AKAP3: variants seen among roughly 807,000 people sequenced by gnomAD.
AKAP3 encodes the protein A-kinase anchoring protein 3.
In AKAP3, 27 loss-of-function variants were observed where a neutral mutation model predicts 57.2. The observed-to-expected ratio is 0.47, with a 90% CI of 0.35 to 0.65. AKAP3 has a LOEUF of 0.65. AKAP3 is among the 30% of genes least tolerant of loss of function. The probability of loss-of-function intolerance (pLI) is 0.01; values close to 1 mark genes in which losing one functional copy is unlikely to be tolerated. For synonymous variants in AKAP3, 334 were observed against 392.3 expected (o/e 0.85, Z 1.76); for missense variants, 959 against 1,040.0 (o/e 0.92, Z 1.07).
chr12:4,630,844 C>T (rs1477684963), intron 4 of AKAP3, among the ~76,000 whole-genome samples: 2 of 152,142 alleles, frequency 1.3e-5, no homozygotes, highest in African/African-American at 2.4e-5. Context: ...TCAATATTTC[C>T]AAGCTATATG....
intron 4 of AKAP3, among the ~76,000 whole-genome samples, chr12:4,630,570 T>C (rs1269541600): frequency 6.6e-6 from 1 of 152,218 alleles, no homozygotes; most frequent in Non-Finnish European, 1.5e-5. Flanking sequence ...TGGTTCAAAA[T>C]TCTCCCAAAT....
In AKAP3 at chr12:4,641,948, ATTG is replaced by A. The variant is rs1202024746; in HGVS notation, c.-53_-51del. The A allele has an allele frequency of 2.6e-5, 4 of 152,204 alleles. No homozygotes were observed. In the East Asian group the frequency reaches 7.7e-4, roughly 29 times the overall value. 9.4% of individuals were successfully genotyped at this position (152,204 alleles called of 1,614,324 possible). On this transcript the variant is annotated 5_prime_UTR_variant, in exon 3 of 6. Coordinates refer to ENST00000228850, the MANE Select transcript of AKAP3 (RefSeq NM_001278309.2). ...TATGAGGAAAGCTCTTGATTAATTT[ATTG>A]TTGTCTTCACTATCCCTCAGTTTAC...
At position 4,628,168 on chromosome 12, in the gene AKAP3, A is replaced by C; in HGVS notation, c.734T>G (p.Val245Gly). The change falls in exon 5 of 6, where the codon GTG becomes GGG. Residue 245 changes from valine to glycine, a missense_variant. Transcript: ENST00000228850. ...PSKKSFFYKE[V>G]FESRNGDYAR... ...ATAATCTCCATTACGAGATTCAAACACTTCCTTATAGAAGAAAGACTTCTT... is the reference window on the plus strand; with the variant it reads ...ATAATCTCCATTACGAGATTCAAACCCTTCCTTATAGAAGAAAGACTTCTT... 6.2e-7 allele frequency: 1 copy of C among 1,614,108 alleles called. No homozygotes were observed.
Position 4,627,333 on chromosome 12 carries a change from C to A in AKAP3, c.1569G>T (p.Trp523Cys). 6.2e-7 allele frequency: 1 copy of A among 1,613,944 alleles called. No individual in the cohort carries two copies. Among genetic ancestry groups the A allele is most frequent in the African/African-American group, 1.3e-5 (1 of 74,974 alleles). The stretch of plus-strand genomic sequence containing the variant: ...GGGCAGACACGATCAGGTCCTCGGC[C>A]CAGGAGTCTGAATCATACATAAAAT... ...PENFMYDSDS[W>C]AEDLIVSALL... is the part of the protein sequence containing the mutation. The change falls in exon 5 of 6, where the codon TGG (tryptophan) becomes TGT (cysteine). Residue 523 changes from tryptophan to cysteine, a missense_variant. Trp to Cys is a radical substitution (Grantham distance 215). Coordinates refer to ENST00000228850, the MANE Select transcript of AKAP3 (RefSeq NM_001278309.2).
At chr12:4,617,240 C>T (rs1945295975) in intron 5 of AKAP3, among the ~76,000 whole-genome samples, 1 of 152,142 alleles carries the variant, frequency 6.6e-6, no homozygotes, top group Non-Finnish European at 1.5e-5. Flanking sequence ...GAAATTATAA[C>T]TCAAGAATGA....
At position 4,627,787 on chromosome 12, in the gene AKAP3, T is replaced by C. The variant is rs777532588; in HGVS notation, c.1115A>G (p.Asp372Gly). Reference sequence around the variant, plus strand: ...CTTCCTTAGCATGGCATCCATGATATCTGTGGCCTTTTGGCTTCCATGAGA... The same window carrying C: ...CTTCCTTAGCATGGCATCCATGATACCTGTGGCCTTTTGGCTTCCATGAGA... ...VFSHGSQKAT[D>G]IMDAMLRKLY... The change falls in exon 5 of 6, where the codon GAT becomes GGT. Residue 372 changes from aspartate (D) to glycine (G), a missense_variant. Transcript: ENST00000228850. 12 of 1,614,182 alleles carry C rather than the reference T, an allele frequency of 7.4e-6. No homozygotes were observed. The East Asian group carries it at 2.5e-4, about 33-fold the overall frequency.
chr12:4,647,479 C>T lies in AKAP3; in HGVS notation c.-245+1266G>A, dbSNP rs145306228. On this transcript the variant is annotated intron_variant, in intron 1 of 5. Transcript: ENST00000228850. ...CTTGAGCCCAGGAATTTGAGACAAG[C>T]CTGGGCAATACAGTAAGACCCCATC... 3.4e-3 allele frequency among the ~76,000 whole-genome samples: 508 copies of T among 151,530 alleles called. 2 individuals are homozygous for T. The highest frequency in any genetic ancestry group is 0.012 in the African/African-American group (478 of 41,288).
chr12:4,638,226 G>T, intron 3 of AKAP3, 30 bp from the exon 4 acceptor site: 1 of 1,470,878 alleles, frequency 6.8e-7, no homozygotes, highest in Non-Finnish European at 9.4e-7. Flanking sequence ...ATGAGAAAGG[G>T]TCATCACAAG....
rs35530750 is a variant in AKAP3, at chr12:4,628,344, A to G, written c.558T>C (p.Cys186=). 1.6e-3 allele frequency: 2,530 copies of G among 1,614,158 alleles called. 31 individuals carry two copies. The African/African-American group carries it at 0.029, about 18-fold the overall frequency. The change falls in exon 5 of 6, where the codon TGT becomes TGC. Residue 186 remains cysteine (C), a synonymous_variant. Transcript: ENST00000228850. The stretch of plus-strand genomic sequence containing the variant: ...CCTTGTCTGGGGCAGCATTCCTGGA[A>G]CATGCAGAGACGGTCTCATTCACAA... ...SELVNETVSA[C]SRNAAPDKAP...
At chr12:4,643,432 T>C (rs1945660169) in intron 2 of AKAP3, among the ~76,000 whole-genome samples, 1 of 152,006 alleles carries the variant, frequency 6.6e-6, no homozygotes, top group Non-Finnish European at 1.5e-5. Context: ...TGGTAAATAA[T>C]ATCCTGGAGT....
intron 2 of AKAP3, among the ~76,000 whole-genome samples, chr12:4,643,408 A>G (rs975953102): frequency 2.0e-5 from 3 of 152,182 alleles, no homozygotes; most frequent in South Asian, 2.1e-4. Flanking sequence ...ATAAATTGCT[A>G]TAAGTTTAAA....
chr12:4,640,201 A>T (rs552043899), intron 3 of AKAP3, among the ~76,000 whole-genome samples: 2 of 152,224 alleles, frequency 1.3e-5, no homozygotes, highest in African/African-American at 4.8e-5. Context: ...AACAAAAAAA[A>T]CTCTGCTCAG....
At chr12:4,630,188 T>C (rs1410160113) in intron 4 of AKAP3, among the ~76,000 whole-genome samples, 1 of 152,198 alleles carries the variant, frequency 6.6e-6, no homozygotes, top group African/African-American at 2.4e-5. Flanking sequence ...TGTCATATAG[T>C]TACTAGTTAC....
chr12:4,620,647 A>G (rs1416264338), intron 5 of AKAP3, among the ~76,000 whole-genome samples: 1 of 152,176 alleles, frequency 6.6e-6, no homozygotes, highest in Non-Finnish European at 1.5e-5. Flanking sequence ...TGGTGGTTCC[A>G]TATGCTTATA....
At chr12:4,617,622 C>T (rs1019523860) in intron 5 of AKAP3, among the ~76,000 whole-genome samples, 15 of 151,996 alleles carry the variant, frequency 9.9e-5, no homozygotes, top group African/African-American at 3.6e-4. Flanking sequence ...TGTCATGGCA[C>T]GTGCCTGTAA....
intron 3 of AKAP3, among the ~76,000 whole-genome samples, chr12:4,641,064 T>C (rs1357722228): frequency 5.9e-5 from 2 of 34,088 alleles, no homozygotes; most frequent in Non-Finnish European, 1.1e-4. Flanking sequence ...CTAACTTCCT[T>C]TTTTTTTTTT....
Position 4,626,721 on chromosome 12 carries a change from T to C in AKAP3, c.2181A>G (p.Glu727=). Residue 727 remains glutamate, a synonymous_variant, in exon 5 of 6, where the codon GAA becomes GAG. Coordinates refer to ENST00000228850, the MANE Select transcript of AKAP3 (RefSeq NM_001278309.2). ...CTTGATAGGCATTCTGCAGGACAGCTTCTGCTGACCCTGTGCCCTTGGCTG... is the reference window on the plus strand; with the variant it reads ...CTTGATAGGCATTCTGCAGGACAGCCTCTGCTGACCCTGTGCCCTTGGCTG... ...CLPAKGTGSA[E]AVLQNAYQAI... 6.2e-7 allele frequency: 1 copy of C among 1,614,124 alleles called. No individual in the cohort carries two copies. Among genetic ancestry groups the C allele is most frequent in the Non-Finnish European group, 8.5e-7 (1 of 1,180,022 alleles).
intron 3 of AKAP3, among the ~76,000 whole-genome samples, chr12:4,639,255 G>C (rs1349103368): frequency 6.6e-6 from 1 of 152,000 alleles, no homozygotes; most frequent in Non-Finnish European, 1.5e-5. Context: ...CCTTCTCTTT[G>C]CCCTCTTTTT....
At chr12:4,630,337 G>C (rs903737748) in intron 4 of AKAP3, among the ~76,000 whole-genome samples, 7 of 152,332 alleles carry the variant, frequency 4.6e-5, no homozygotes, top group Middle Eastern at 3.4e-3. Flanking sequence ...GAGACTTAGA[G>C]AAGTTAAATA....
Sources: gnomAD v4.1 joint callset for allele counts (sites outside exome capture counted in the v4.1 genomes callset) on GRCh38, gnomAD v4.1.1 for gene constraint, MANE v1.5 for transcripts, NCBI Gene and HGNC (gene_info 2026-07-23, HGNC 2026-07-21) for gene names.